GABBR2: variants seen among roughly 807,000 people sequenced by gnomAD.
GABBR2 encodes the protein gamma-aminobutyric acid type B receptor subunit 2, also known as G-protein coupled receptor 51.
GABBR2 carries 23 observed loss-of-function variants against 105.6 expected under a neutral mutation model. That is an observed-to-expected ratio of 0.22 (90% CI 0.16 to 0.31). The LOEUF is 0.31. Ranked by LOEUF, GABBR2 falls within the 10% of genes least tolerant of loss-of-function variation. GABBR2 has a pLI of 1.00. For missense variants in GABBR2, 734 were observed against 1,245.5 expected (o/e 0.59, Z 6.18); for synonymous variants, 478 against 499.7 (o/e 0.96, Z 0.58).
chr9:98,414,438 C>T (rs7027725), intron 7 of GABBR2, among the ~76,000 whole-genome samples: 49,068 of 152,026 alleles, frequency 0.32, 8,837 homozygotes, highest in African/African-American at 0.49. Flanking sequence ...GGAATGTGAC[C>T]GGCAAGGTGG....
At chr9:98,546,766 A>AAATATTGCAAAAATAAAG (rs1588222267) in intron 2 of GABBR2, among the ~76,000 whole-genome samples, 2 of 130,844 alleles carry the variant, frequency 1.5e-5, no homozygotes, top group African/African-American at 2.5e-5. Context: ...TTATCATCTC[A>AAATATTGCAAAAATAAAG]TTGGCCATCT....
chr9:98,373,069 G>T (rs1831813137), intron 11 of GABBR2, among the ~76,000 whole-genome samples: 1 of 151,986 alleles, frequency 6.6e-6, no homozygotes, highest in Admixed American at 6.6e-5. Flanking sequence ...TTACCCAGAT[G>T]ATCATAAAAG....
chr9:98,410,505 CT>C (rs5899341), intron 7 of GABBR2, among the ~76,000 whole-genome samples: 28,422 of 126,366 alleles, frequency 0.22, 3,269 homozygotes, highest in Admixed American at 0.35. Context: ...GAGGGAAAAG[CT>C]TTTTTTTTTT....
chr9:98,459,690 T>A (rs12115835), intron 6 of GABBR2, among the ~76,000 whole-genome samples: 1,806 of 152,324 alleles, frequency 0.012, 37 homozygotes, highest in African/African-American at 0.041. Context: ...ATTTAGAGTT[T>A]AATAGTATTG....
chr9:98,504,321 T>G (rs902781246), intron 3 of GABBR2, among the ~76,000 whole-genome samples: 1 of 152,210 alleles, frequency 6.6e-6, no homozygotes, highest in East Asian at 1.9e-4. Flanking sequence ...AAGGCTCCCA[T>G]GGGCAAGTGA....
chr9:98,696,658 A>C (rs1830757252), intron 1 of GABBR2, among the ~76,000 whole-genome samples: 1 of 152,206 alleles, frequency 6.6e-6, no homozygotes, highest in East Asian at 1.9e-4. Context: ...GGTGCTTAGC[A>C]AGTATAGCCT....
At chr9:98,402,538 GA>G (rs1832412383) in intron 8 of GABBR2, among the ~76,000 whole-genome samples, 1 of 152,154 alleles carries the variant, frequency 6.6e-6, no homozygotes, top group African/African-American at 2.4e-5. Flanking sequence ...ATGAGGGGAA[GA>G]AGGCATGCAG....
At chr9:98,325,810 T>C (rs1830912309) in intron 13 of GABBR2, among the ~76,000 whole-genome samples, 1 of 152,190 alleles carries the variant, frequency 6.6e-6, no homozygotes, top group Non-Finnish European at 1.5e-5. Context: ...TATGGAATTT[T>C]GGGGCTTGCA....
chr9:98,370,503 T>C (rs774018988), intron 12 of GABBR2, among the ~76,000 whole-genome samples: 36 of 151,962 alleles, frequency 2.4e-4, no homozygotes, highest in Non-Finnish European at 4.1e-4. Flanking sequence ...CCTGGGTGGA[T>C]GGGATGATGG....
At chr9:98,372,879 C>T (rs1478858079) in intron 11 of GABBR2, among the ~76,000 whole-genome samples, 2 of 152,168 alleles carry the variant, frequency 1.3e-5, no homozygotes, top group South Asian at 2.1e-4. Context: ...AGTATCACAG[C>T]GCTTGTTCAG....
chr9:98,382,237 G>A (rs1383550035), intron 11 of GABBR2, among the ~76,000 whole-genome samples: 2 of 152,174 alleles, frequency 1.3e-5, no homozygotes, highest in East Asian at 3.9e-4. Flanking sequence ...TGCTCCACCG[G>A]TTCTCAACCT....
intron 3 of GABBR2, among the ~76,000 whole-genome samples, chr9:98,498,585 G>A (rs1344716313): frequency 1.3e-5 from 2 of 152,196 alleles, no homozygotes. Context: ...AGCAAATGGA[G>A]CAAATGTGAA....
intron 3 of GABBR2, chr9:98,538,701 T>C (rs966111072): frequency 1.6e-4 from 71 of 438,754 alleles, no homozygotes; most frequent in Admixed American, 1.3e-4. Flanking sequence ...CAGGATTTCT[T>C]TCACTTGACA....
intron 1 of GABBR2, among the ~76,000 whole-genome samples, chr9:98,620,251 C>CTCTG (rs71997149): frequency 1.3e-5 from 2 of 150,888 alleles, no homozygotes; most frequent in Non-Finnish European, 1.5e-5. Context: ...CTCTCTTTCT[C>CTCTG]TCTCTCTCTC....
At chr9:98,600,828 T>C (rs538025150) in intron 1 of GABBR2, among the ~76,000 whole-genome samples, 1 of 152,320 alleles carries the variant, frequency 6.6e-6, no homozygotes, top group South Asian at 2.1e-4. Context: ...CATGCGTGTG[T>C]CTGGCCTCAC....
At chr9:98,473,418 G>T in intron 5 of GABBR2, 72 bp from the exon 6 acceptor site, 1 of 992,240 alleles carries the variant, frequency 1.0e-6, no homozygotes, top group Non-Finnish European at 1.6e-6. Context: ...TGGAAGACAG[G>T]TGGGGAGGAA....
chr9:98,315,242 C>T (rs1032138316), intron 13 of GABBR2, among the ~76,000 whole-genome samples: 1 of 152,178 alleles, frequency 6.6e-6, no homozygotes, highest in African/African-American at 2.4e-5. Context: ...CAAACAAACA[C>T]GATGGGTCCA....
At position 98,380,237 on chromosome 9, in the gene GABBR2, G is replaced by A. The variant is rs1462060823; in HGVS notation, c.1662+5403C>T. ...GCAGAGGCTGAGGGCACAGGCTCGG[G>A]AGTTAACAGGAAGCTGTTACTACCC... is the stretch of plus-strand genomic sequence containing the variant. On this transcript the variant is annotated intron_variant, in intron 11 of 18. Transcript: ENST00000259455. 2.6e-5 allele frequency among the ~76,000 whole-genome samples: 4 copies of A among 152,196 alleles called. 1 individual carries two copies. Among genetic ancestry groups the A allele is most frequent in the Non-Finnish European group, 2.9e-5 (2 of 68,034 alleles).
At chr9:98,608,275 T>A (rs1489967494) in intron 1 of GABBR2, 4 of 557,340 alleles carry the variant, frequency 7.2e-6, no homozygotes, top group African/African-American at 1.9e-5. Context: ...ATTTTTGTTG[T>A]TGTTGTTCTT....
Sources: allele counts gnomAD v4.1 joint callset (sites outside exome capture counted in the v4.1 genomes callset), GRCh38; gene constraint gnomAD v4.1.1; transcripts MANE v1.5; gene names NCBI Gene and HGNC (gene_info 2026-07-23, HGNC 2026-07-21).